CUL3: variants seen among roughly 807,000 people sequenced by gnomAD.
CUL3 encodes the protein cullin 3.
In CUL3, 19 loss-of-function variants were observed where a neutral mutation model predicts 89.1. The observed-to-expected ratio is 0.21, with a 90% CI of 0.15 to 0.31. The LOEUF (loss-of-function observed/expected upper bound fraction) is 0.31, where lower values mean the gene tolerates loss of function less well. CUL3 is among the 10% of genes least tolerant of loss of function. The pLI is 1.00. For missense variants in CUL3, 469 were observed against 942.3 expected (o/e 0.50, Z 6.58); for synonymous variants, 351 against 308.4 (o/e 1.14, Z -1.45).
chr2:224,500,026 G>A (rs1031658108), intron 11 of CUL3: 20 of 204,138 alleles, frequency 9.8e-5, no homozygotes, highest in Admixed American at 2.1e-4. Flanking sequence ...ATTGGAGTTA[G>A]CTGAAGTGTT....
rs1258421224 is a variant in CUL3, at chr2:224,471,136, A to C, written c.*3109T>G. ...TGACTTCTAATTTTGCTGACCTGAA[A>C]TGTTTTAACATTCGTATTTACAGAA... On this transcript the variant is annotated 3_prime_UTR_variant, in exon 16 of 16. Coordinates refer to ENST00000264414, the MANE Select transcript of CUL3 (RefSeq NM_003590.5). 4.6e-6 allele frequency: 1 copy of C among 216,922 alleles called. No individual in the cohort carries two copies. Among genetic ancestry groups the C allele is most frequent in the Non-Finnish European group, 9.3e-6 (1 of 107,882 alleles). The allele number at this position is 216,922 out of a possible 1,614,324, so 13.4% of individuals were successfully genotyped here.
intron 3 of CUL3, among the ~76,000 whole-genome samples, chr2:224,525,754 C>T (rs1559174145): frequency 6.6e-6 from 1 of 152,176 alleles, no homozygotes; most frequent in African/African-American, 2.4e-5. Context: ...TTATATTAAC[C>T]TACTTGAAGA....
intron 2 of CUL3, among the ~76,000 whole-genome samples, chr2:224,539,101 AATAT>A (rs1374075444): frequency 6.6e-6 from 1 of 152,246 alleles, no homozygotes; most frequent in African/African-American, 2.4e-5. Context: ...TATTATCCAA[AATAT>A]ATAAAGAATT....
chr2:224,517,994 T>A (rs1693130279), intron 3 of CUL3, among the ~76,000 whole-genome samples: 1 of 152,302 alleles, frequency 6.6e-6, no homozygotes, highest in South Asian at 2.1e-4. Context: ...ACAATTCGAA[T>A]ACACAGGTTT....
In CUL3 at chr2:224,523,387, TA is replaced by T. The variant is rs35075378; in HGVS notation, c.379-8616del. Among the ~76,000 whole-genome samples, 819 of 144,824 alleles carry T rather than the reference TA, an allele frequency of 5.7e-3. 5 individuals carry two copies. Among genetic ancestry groups the T allele is most frequent in the Non-Finnish European group, 7.1e-3 (470 of 65,988 alleles). On this transcript the variant is annotated intron_variant, in intron 3 of 15. Transcript: ENST00000264414. The stretch of plus-strand genomic sequence containing the variant: ...CTCATACCCATTAGAAGAGTTACTA[TA>T]AAAAAAAAAAACACAAAACACAAAA...
intron 1 of CUL3, among the ~76,000 whole-genome samples, chr2:224,562,221 A>G (rs1323953866): frequency 2.0e-5 from 3 of 152,148 alleles, no homozygotes; most frequent in Non-Finnish European, 4.4e-5. Flanking sequence ...TTTACTACAC[A>G]AGGTTGTATG....
At chr2:224,561,035 C>T (rs1694885200) in intron 1 of CUL3, among the ~76,000 whole-genome samples, 1 of 152,184 alleles carries the variant, frequency 6.6e-6, no homozygotes, top group African/African-American at 2.4e-5. Flanking sequence ...CAACTGTCAT[C>T]TTACAGTGAA....
rs1362226243 is a variant in CUL3 at position 224,485,865 on chromosome 2, G to A, written c.1843-3787C>T. On this transcript the variant is annotated intron_variant, in intron 13 of 15. Transcript: ENST00000264414. This position sits in a 1 kb window ranked among gnomAD's most constrained non-coding sequence, Gnocchi z 4.1. The stretch of plus-strand genomic sequence containing the variant: ...AGACACCTCATACAGGAGAGCTCCG[G>A]CTGGCATCTGGCAGGTGCCCCTCTG... Among the ~76,000 whole-genome samples, 2 of 152,178 alleles carry A rather than the reference G, an allele frequency of 1.3e-5. No individual in the cohort carries two copies. Among genetic ancestry groups the A allele is most frequent in the South Asian group, 4.1e-4 (2 of 4,822 alleles).
intron 2 of CUL3, among the ~76,000 whole-genome samples, chr2:224,557,358 T>G (rs1487815715): frequency 7.3e-6 from 1 of 137,882 alleles, no homozygotes; most frequent in Non-Finnish European, 1.7e-5. Flanking sequence ...TTAAATCATT[T>G]TAAGGAAAAA....
intron 4 of CUL3, 115 bp downstream of exon 4, chr2:224,514,497 C>T: frequency 2.4e-6 from 2 of 831,390 alleles, no homozygotes; most frequent in Admixed American, 3.0e-5. Context: ...TGAGGATTTT[C>T]CCAATGTGCT....
chr2:224,528,342 T>C (rs1227491270), intron 3 of CUL3, among the ~76,000 whole-genome samples: 1 of 152,180 alleles, frequency 6.6e-6, no homozygotes, highest in Non-Finnish European at 1.5e-5. Context: ...TACAATCATA[T>C]CGCCTTTTTT....
intron 1 of CUL3, among the ~76,000 whole-genome samples, chr2:224,563,751 C>T (rs1419726092): frequency 1.3e-5 from 2 of 152,192 alleles, no homozygotes; most frequent in East Asian, 3.8e-4. Flanking sequence ...ACACACCCCA[C>T]ACCCATTAAA....
At position 224,558,209 on chromosome 2, in the gene CUL3, C is replaced by G. The variant is rs527856005; in HGVS notation, c.67-353G>C. 6.6e-5 allele frequency among the ~76,000 whole-genome samples: 10 copies of G among 152,240 alleles called. No homozygotes were observed. In the East Asian group the frequency reaches 1.7e-3, roughly 26 times the overall value. ...AAATACTTGCCAAGTTAAATCCCAA[C>G]AGCCCACATACTCCTGACATATATC... is the stretch of plus-strand genomic sequence containing the variant. On this transcript the variant is annotated intron_variant, in intron 1 of 15. Coordinates refer to ENST00000264414, the MANE Select transcript of CUL3 (RefSeq NM_003590.5).
intron 14 of CUL3, chr2:224,479,943 G>C (rs1691471478): frequency 6.6e-6 from 1 of 152,190 alleles, no homozygotes; most frequent in East Asian, 1.9e-4. Context: ...AGATCGTGCT[G>C]ATGAGTCAAA....
At chr2:224,535,928 T>C (rs1693881849) in intron 2 of CUL3, among the ~76,000 whole-genome samples, 1 of 152,152 alleles carries the variant, frequency 6.6e-6, no homozygotes, top group Admixed American at 6.5e-5. Context: ...AAATCCTATA[T>C]TCTTATAGTA....
At chr2:224,477,077 T>C (rs538267884) in intron 15 of CUL3, among the ~76,000 whole-genome samples, 1 of 145,162 alleles carries the variant, frequency 6.9e-6, no homozygotes, top group Non-Finnish European at 1.5e-5. Flanking sequence ...ATTTTTTATA[T>C]TACTGACCAC....
At chr2:224,475,839 C>G (rs988086607) in intron 15 of CUL3, among the ~76,000 whole-genome samples, 1 of 152,102 alleles carries the variant, frequency 6.6e-6, no homozygotes, top group Non-Finnish European at 1.5e-5. Flanking sequence ...TTGATTAAAC[C>G]TATATTCTAT....
intron 11 of CUL3, among the ~76,000 whole-genome samples, chr2:224,498,909 A>G (rs568002109): frequency 6.6e-6 from 1 of 152,360 alleles, no homozygotes; most frequent in Non-Finnish European, 1.5e-5. Flanking sequence ...AAATGAAAGC[A>G]ACTGGCTATG....
chr2:224,482,003 T>C lies in CUL3; in HGVS notation c.1918A>G (p.Thr640Ala), dbSNP rs1276512974. The change falls in exon 14 of 16, where the codon ACA (threonine) becomes GCA (alanine). Residue 640 changes from threonine to alanine, a missense_variant. Thr to Ala is a moderately conservative substitution (Grantham distance 58, BLOSUM62 0). Coordinates refer to ENST00000264414, the MANE Select transcript of CUL3 (RefSeq NM_003590.5). ...GGTTCTTTTGTAAGAACCCGCTGTG[T>C]TGGTTTACCACAGGCGAGGGACTGT... ...ALQSLACGKP[T>A]QRVLTKEPKS... is the part of the protein sequence containing the mutation. 2 of 1,609,266 alleles carry C rather than the reference T, an allele frequency of 1.2e-6. No homozygotes were observed. The highest frequency in any genetic ancestry group is 1.7e-5 in the Admixed American group (1 of 59,282).
Sources: gnomAD v4.1 joint callset for allele counts (sites outside exome capture counted in the v4.1 genomes callset) on GRCh38, gnomAD v4.1.1 for gene constraint, Gnocchi (gnomAD v3.1) non-coding constraint, MANE v1.5 for transcripts, NCBI Gene and HGNC (gene_info 2026-07-23, HGNC 2026-07-21) for gene names.